Variants in TSPAN18 observed in about 807,000 individuals in gnomAD.
The protein encoded by TSPAN18 is tetraspanin 18, also known as tetraspanin-18.
TSPAN18 carries 14 observed loss-of-function variants against 27.3 expected under a neutral mutation model. The observed-to-expected ratio is 0.51, with a 90% CI of 0.34 to 0.80. The LOEUF (loss-of-function observed/expected upper bound fraction) is 0.80. Among genes scored for constraint, TSPAN18 ranks in the 30% least tolerant of loss-of-function variants. The pLI is 0.01. For synonymous variants in TSPAN18, 143 were observed against 136.5 expected (o/e 1.05, Z -0.33); for missense variants, 268 against 323.9 (o/e 0.83, Z 1.32).
chr11:44,801,618 G>A (rs1379540572), intron 2 of TSPAN18, among the ~76,000 whole-genome samples: 1 of 152,212 alleles, frequency 6.6e-6, no homozygotes. Context: ...TGGTGGTTAA[G>A]AGCTCCAAAG....
At chr11:44,745,341 G>A (rs1855046455) in intron 1 of TSPAN18, among the ~76,000 whole-genome samples, 1 of 152,246 alleles carries the variant, frequency 6.6e-6, no homozygotes, top group African/African-American at 2.4e-5. Context: ...TCACTCATCA[G>A]TAGAGAGTAG....
intron 8 of TSPAN18, among the ~76,000 whole-genome samples, chr11:44,924,128 T>A (rs567380423): frequency 2.3e-3 from 342 of 151,872 alleles, no homozygotes; most frequent in African/African-American, 7.7e-3. Flanking sequence ...TGTGTGTGTG[T>A]GTGATTATAT....
At chr11:44,906,340 GA>G in intron 3 of TSPAN18, 66 bp from the exon 4 acceptor site, 1 of 1,439,024 alleles carries the variant, frequency 6.9e-7, no homozygotes, top group Admixed American at 1.7e-5. Context: ...AACCCCTGGG[GA>G]GGGGCTGGGG....
intron 2 of TSPAN18, among the ~76,000 whole-genome samples, chr11:44,784,404 C>T (rs1045774095): frequency 3.3e-5 from 5 of 152,190 alleles, no homozygotes; most frequent in Admixed American, 6.5e-5. Flanking sequence ...TTACTCTTGT[C>T]TTTACCACAG....
chr11:44,838,068 C>T (rs1262295817), intron 2 of TSPAN18, among the ~76,000 whole-genome samples: 1 of 152,118 alleles, frequency 6.6e-6, no homozygotes, highest in Non-Finnish European at 1.5e-5. Context: ...ACATCCCTTA[C>T]AAAGATGTCC....
intron 2 of TSPAN18, among the ~76,000 whole-genome samples, chr11:44,832,541 T>C (rs1857176848): frequency 6.6e-6 from 1 of 152,250 alleles, no homozygotes; most frequent in Non-Finnish European, 1.5e-5. Context: ...GGGCTGCTTC[T>C]TCCCATGCTG....
At chr11:44,807,410 CCCAGCTACT>C (rs376968072) in intron 2 of TSPAN18, among the ~76,000 whole-genome samples, 70,608 of 149,374 alleles carry the variant, frequency 0.47, 17,313 homozygotes, top group Non-Finnish European at 0.52. Context: ...TGCCTGTAGT[CCCAGCTACT>C]TGGGAGGCTG....
chr11:44,896,911 G>A (rs1297872958), intron 3 of TSPAN18, among the ~76,000 whole-genome samples: 3 of 152,134 alleles, frequency 2.0e-5, no homozygotes, highest in Non-Finnish European at 4.4e-5. Context: ...ATGGTAGGTG[G>A]GTGAGTGGGT....
At position 44,846,929 on chromosome 11, in the gene TSPAN18, C is replaced by T. The variant is rs551794476; in HGVS notation, c.-152-13399C>T. Among the ~76,000 whole-genome samples the T allele has an allele frequency of 4.6e-5, 7 of 152,262 alleles. No individual in the cohort carries two copies. The East Asian group carries it at 5.8e-4, about 13-fold the overall frequency. On this transcript the variant is annotated intron_variant, in intron 2 of 9. Coordinates refer to ENST00000520358, the MANE Select transcript of TSPAN18 (RefSeq NM_130783.5). ...TGCCTACTATATGCCATGCACAGAG[C>T]GGAGAACTCCAGGGGCATTCATAGT...
chr11:44,921,097 G>T (rs111995976), intron 8 of TSPAN18, among the ~76,000 whole-genome samples: 25 of 152,282 alleles, frequency 1.6e-4, no homozygotes, highest in African/African-American at 6.0e-4. Flanking sequence ...ACATCCCCAT[G>T]GATTCCTGAG....
At chr11:44,830,928 C>T (rs1278330202) in intron 2 of TSPAN18, among the ~76,000 whole-genome samples, 1 of 152,026 alleles carries the variant, frequency 6.6e-6, no homozygotes, top group Non-Finnish European at 1.5e-5. Context: ...TGAAAATTAC[C>T]AAGCTAATTC....
chr11:44,760,182 G>A (rs553042874), intron 1 of TSPAN18, among the ~76,000 whole-genome samples: 12 of 152,324 alleles, frequency 7.9e-5, no homozygotes, highest in Admixed American at 7.2e-4. Flanking sequence ...ACAAAGGGAG[G>A]CCAGGGAACC....
chr11:44,784,736 GAT>G (rs1491222651), intron 2 of TSPAN18, among the ~76,000 whole-genome samples: 16,266 of 152,054 alleles, frequency 0.11, 1,554 homozygotes, highest in East Asian at 0.51. Context: ...AATCAGTGAT[GAT>G]AACCCAGCAA....
chr11:44,840,174 A>G (rs1201837405), intron 2 of TSPAN18, among the ~76,000 whole-genome samples: 3 of 152,212 alleles, frequency 2.0e-5, no homozygotes, highest in Non-Finnish European at 4.4e-5. Context: ...AATCTATGAA[A>G]AGGGGCTGAT....
intron 3 of TSPAN18, among the ~76,000 whole-genome samples, chr11:44,895,606 G>A (rs1279987782): frequency 6.6e-6 from 1 of 152,208 alleles, no homozygotes; most frequent in Non-Finnish European, 1.5e-5. Context: ...CAGGGAAGTT[G>A]GGACACCACA....
At chr11:44,926,794 T>C in intron 9 of TSPAN18, 37 bp downstream of exon 9, 1 of 1,602,020 alleles carries the variant, frequency 6.2e-7, no homozygotes, top group South Asian at 1.1e-5. Context: ...CTCCCCAGGA[T>C]GAAGCCTCAC....
rs576341145 is a variant in TSPAN18, at chr11:44,846,606, T to TATGTGTG, written c.-152-13722_-152-13721insATGTGTG. Among the ~76,000 whole-genome samples, 5 of 151,228 alleles carry TATGTGTG rather than the reference T, an allele frequency of 3.3e-5. No homozygotes were observed. The South Asian group carries it at 1.0e-3, about 32-fold the overall frequency. On this transcript the variant is annotated intron_variant, in intron 2 of 9. Coordinates refer to ENST00000520358, the MANE Select transcript of TSPAN18 (RefSeq NM_130783.5). ...CAAGAGGCTGTCTGTGTGTGTGTGT[T>TATGTGTG]TGTGTGTGTGTCTATGTGTCTATGT...
intron 2 of TSPAN18, among the ~76,000 whole-genome samples, chr11:44,817,172 G>T (rs536774108): frequency 6.6e-6 from 1 of 152,228 alleles, no homozygotes; most frequent in African/African-American, 2.4e-5. Context: ...TGGCATGCAC[G>T]GTGGGCCATC....
intron 2 of TSPAN18, among the ~76,000 whole-genome samples, chr11:44,858,994 C>T (rs1308392920): frequency 2.6e-5 from 4 of 152,228 alleles, no homozygotes. Flanking sequence ...TTCACACCGT[C>T]TGGTGTGACA....
Sources: gnomAD v4.1 joint callset for allele counts (sites outside exome capture counted in the v4.1 genomes callset) on GRCh38, gnomAD v4.1.1 for gene constraint, MANE v1.5 for transcripts, NCBI Gene and HGNC (gene_info 2026-07-23, HGNC 2026-07-21) for gene names.